Variants in TPR observed in about 807,000 individuals in gnomAD.
The protein encoded by TPR is nucleoprotein TPR.
In TPR, 51 loss-of-function variants were observed where a neutral mutation model predicts 316.1. That is an observed-to-expected ratio of 0.16 (90% CI 0.13 to 0.20). The LOEUF (loss-of-function observed/expected upper bound fraction) is 0.20. Ranked by LOEUF, TPR falls within the 10% of genes least tolerant of loss-of-function variation. The pLI, the probability that TPR is intolerant of heterozygous loss-of-function variation, is 1.00. For missense variants in TPR, 2,272 were observed against 2,754.8 expected (o/e 0.82, Z 3.92); for synonymous variants, 981 against 914.7 (o/e 1.07, Z -1.31).
intron 49 of TPR, among the ~76,000 whole-genome samples, chr1:186,315,279 C>G (rs1179364631): frequency 1.3e-5 from 2 of 149,930 alleles, no homozygotes; most frequent in East Asian, 3.9e-4. Context: ...TTTTTTCATT[C>G]ATTCACTTAT....
chr1:186,353,551 T>C, intron 18 of TPR, 137 bp downstream of exon 18: 3 of 895,748 alleles, frequency 3.3e-6, no homozygotes, highest in South Asian at 3.5e-5. Flanking sequence ...ATTTGCAAAC[T>C]ATGTATTAAT....
At position 186,312,957 on chromosome 1, in the gene TPR, G is replaced by C. The variant is rs1168208354; in HGVS notation, c.*1014C>G. The stretch of plus-strand genomic sequence containing the variant: ...TCATTTGTGAAAACATGAAGATAAA[G>C]TAAAAATGCTGGCTGCAATGATGAC... On this transcript the variant is annotated 3_prime_UTR_variant, in exon 51 of 51. Coordinates refer to ENST00000367478, the MANE Select transcript of TPR (RefSeq NM_003292.3). 2 of 1,524,438 alleles carry C rather than the reference G, an allele frequency of 1.3e-6. No individual in the cohort carries two copies. Among genetic ancestry groups the C allele is most frequent in the Admixed American group, 1.7e-5 (1 of 59,804 alleles). The allele number at this position is 1,524,438 out of a possible 1,614,324, so 94.4% of individuals were successfully genotyped here.
At chr1:186,355,905 T>C (rs1266819154) in intron 15 of TPR, 137 bp from the exon 16 acceptor site, 2 of 1,077,638 alleles carry the variant, frequency 1.9e-6, no homozygotes, top group African/African-American at 1.6e-5. Context: ...ATTATAGGAG[T>C]TTTTAAATAA....
chr1:186,336,335 G>A (rs1016689684), intron 33 of TPR, among the ~76,000 whole-genome samples, 161 bp downstream of exon 33: 3 of 152,078 alleles, frequency 2.0e-5, no homozygotes, highest in African/African-American at 4.8e-5. Flanking sequence ...AATTAGGATT[G>A]CTCTTTGTGT....
At chr1:186,361,479 T>A in intron 9 of TPR, 143 bp downstream of exon 9, 1 of 682,206 alleles carries the variant, frequency 1.5e-6, no homozygotes, top group Non-Finnish European at 2.4e-6. Context: ...CTGAATTTCC[T>A]AATCCAAAGT....
At chr1:186,317,672 A>C in intron 48 of TPR, 72 bp from the exon 49 acceptor site, 1 of 1,381,136 alleles carries the variant, frequency 7.2e-7, no homozygotes, top group South Asian at 1.2e-5. Context: ...CACTCTTTTA[A>C]ATCTATTTTA....
Position 186,375,201 on chromosome 1 carries a change from C to A in TPR, c.-173G>T. 1.3e-6 allele frequency: 2 copies of A among 1,510,152 alleles called. No individual in the cohort carries two copies. Among genetic ancestry groups the A allele is most frequent in the East Asian group, 2.5e-5 (1 of 40,204 alleles). 93.5% of individuals were successfully genotyped at this position (1,510,152 alleles called of 1,614,324 possible). The stretch of plus-strand genomic sequence containing the variant: ...GCGGCGGGACCCTGGGAAATCGAGT[C>A]CACCCTCAGCGGCAGCGTTTCAGCA... On this transcript the variant is annotated 5_prime_UTR_variant, in exon 1 of 51. Coordinates refer to ENST00000367478, the MANE Select transcript of TPR (RefSeq NM_003292.3).
intron 27 of TPR, chr1:186,342,640 C>T (rs1291022152): frequency 6.6e-6 from 1 of 151,610 alleles, no homozygotes; most frequent in African/African-American, 2.4e-5. Context: ...TCTTAACAGT[C>T]ATTTTGACTA....
At chr1:186,370,005 C>G (rs1221313102) in intron 3 of TPR, among the ~76,000 whole-genome samples, 5 of 152,078 alleles carry the variant, frequency 3.3e-5, no homozygotes, top group African/African-American at 7.2e-5. Flanking sequence ...GACAGCTCTG[C>G]TTCTTTCCAA....
chr1:186,363,439 A>G lies in TPR; in HGVS notation c.434T>C (p.Val145Ala). ...SQELEYLTEDVKRLNEKLKES... is the reference protein window; with the variant it reads ...SQELEYLTEDAKRLNEKLKES... ...TTTAAGTTTTTCATTCAGACGTTTA[A>G]CATCCTCTAGAATGGTGAAGAGAAT... Residue 145 changes from valine to alanine, a missense_variant, in exon 5 of 51, where the codon GTT becomes GCT. Coordinates refer to ENST00000367478, the MANE Select transcript of TPR (RefSeq NM_003292.3). The G allele has an allele frequency of 6.2e-7, 1 of 1,604,826 alleles. No homozygotes were observed.
intron 7 of TPR, 61 bp downstream of exon 7, chr1:186,362,227 A>G (rs1659215076): frequency 1.9e-5 from 26 of 1,386,178 alleles, no homozygotes; most frequent in South Asian, 1.2e-5. Flanking sequence ...ATTTTGTGAA[A>G]TAACAGCTTC....
In TPR at chr1:186,374,694, AT is replaced by A. The variant is rs939194497; in HGVS notation, c.151+183del. On this transcript the variant is annotated intron_variant, in intron 1 of 50. Coordinates refer to ENST00000367478, the MANE Select transcript of TPR (RefSeq NM_003292.3). ...AAAATGCTACTGAACTTAGATTCAG[AT>A]TTTTTTTTCAAAGGCTTCTTATCAA... 6.6e-5 allele frequency among the ~76,000 whole-genome samples: 10 copies of A among 151,780 alleles called. 1 individual carries two copies. Among genetic ancestry groups the A allele is most frequent in the South Asian group, 4.2e-4 (2 of 4,798 alleles).
At chr1:186,330,573 C>T (rs552374925) in intron 39 of TPR, among the ~76,000 whole-genome samples, 2 of 152,168 alleles carry the variant, frequency 1.3e-5, no homozygotes, top group South Asian at 2.1e-4. Context: ...CAGTTCCCCT[C>T]ATAAATATGT....
Position 186,353,781 on chromosome 1 carries a change from C to T in TPR, c.2241G>A (p.Gln747=). Residue 747 remains glutamine (Q), a synonymous_variant, in exon 18 of 51, where the codon CAG becomes CAA. Transcript: ENST00000367478. Reference sequence around the variant, plus strand: ...GCTTTTGAGTTGTGGCAGTGAGTTTCTGATTTCTCTCATGAAGTGATGTTA... The same window carrying T: ...GCTTTTGAGTTGTGGCAGTGAGTTTTTGATTTCTCTCATGAAGTGATGTTA... ...REITSLHERN[Q]KLTATTQKQE... 2 of 1,614,080 alleles carry T rather than the reference C, an allele frequency of 1.2e-6. No individual in the cohort carries two copies. The highest frequency in any genetic ancestry group is 1.7e-6 in the Non-Finnish European group (2 of 1,179,984).
At position 186,338,089 on chromosome 1, in the gene TPR, TCTTAA is replaced by T. The variant is rs1160633161; in HGVS notation, c.4301_4305del (p.Val1434GlufsTer5). Reference sequence around the variant, plus strand: ...TGAGTCTTGTACCTACGTCCAATTTTCTTAACTTGAGTAATAGTTTTGACTTTTTC... The same window carrying T: ...TGAGTCTTGTACCTACGTCCAATTTTCTTGAGTAATAGTTTTGACTTTTTC... On this transcript the variant is annotated frameshift_variant, in exon 31 of 51. Coordinates refer to ENST00000367478, the MANE Select transcript of TPR (RefSeq NM_003292.3). LOFTEE classifies it high-confidence loss of function. The T allele has an allele frequency of 6.2e-7, 1 of 1,612,620 alleles. No homozygotes were observed. Among genetic ancestry groups the T allele is most frequent in the Non-Finnish European group, 8.5e-7 (1 of 1,179,522 alleles).
At chr1:186,332,126 G>T in intron 38 of TPR, 69 bp downstream of exon 38, 2 of 1,492,976 alleles carry the variant, frequency 1.3e-6, no homozygotes, top group South Asian at 1.4e-5. Flanking sequence ...TTTTCTTTAG[G>T]CTGTAGCTGA....
At chr1:186,366,352 T>G (rs769858067) in intron 4 of TPR, among the ~76,000 whole-genome samples, 1 of 152,234 alleles carries the variant, frequency 6.6e-6, no homozygotes, top group African/African-American at 2.4e-5. Flanking sequence ...CTTATGATTT[T>G]CTTAACATTT....
chr1:186,319,654 G>C (rs1462208274), intron 46 of TPR, among the ~76,000 whole-genome samples: 1 of 152,140 alleles, frequency 6.6e-6, no homozygotes, highest in East Asian at 1.9e-4. Flanking sequence ...TTTTATGATG[G>C]CTAAAGATTG....
Position 186,344,069 on chromosome 1 carries a change from A to G in TPR, c.3439T>C (p.Cys1147Arg). Reference sequence around the variant, plus strand: ...TGTTTCTCCAGATCTTCACAGCGACATACACATTTGGAAACTTCATCCTGC... The same window carrying G: ...TGTTTCTCCAGATCTTCACAGCGACGTACACATTTGGAAACTTCATCCTGC... Reference protein sequence around the residue: ...MLKDEVSKCVCRCEDLEKQNR... With the variant: ...MLKDEVSKCVRRCEDLEKQNR... The change falls in exon 26 of 51, where the codon TGT becomes CGT. Residue 1147 changes from cysteine (C) to arginine (R), a missense_variant. Physicochemically the swap from Cys to Arg is radical, Grantham distance 180. This residue lies in a region of TPR where 757 missense variants were observed against 859.8 expected (regional missense o/e 0.88). Coordinates refer to ENST00000367478, the MANE Select transcript of TPR (RefSeq NM_003292.3). The G allele has an allele frequency of 6.2e-7, 1 of 1,613,742 alleles. No homozygotes were observed.
Sources: allele counts gnomAD v4.1 joint callset (sites outside exome capture counted in the v4.1 genomes callset), GRCh38; gene constraint gnomAD v4.1.1; regional missense constraint gnomAD v4.1.1; transcripts MANE v1.5; gene names NCBI Gene and HGNC (gene_info 2026-07-23, HGNC 2026-07-21).